GPC5: variants seen among roughly 807,000 people sequenced by gnomAD.
GPC5 encodes the protein glypican 5, also known as glypican-5.
Under a neutral mutation model 53.9 loss-of-function variants are expected in GPC5, and 47 were observed. That is an observed-to-expected ratio of 0.87 (90% CI 0.69 to 1.11). The LOEUF is 1.11. Ranked by LOEUF, GPC5 falls within the 50% of genes most tolerant of loss-of-function variation. The pLI is 0.00. For missense variants in GPC5, 748 were observed against 713.1 expected, an observed-to-expected ratio of 1.05 and a Z score of -0.56; for synonymous variants, 286 against 263.3, an observed-to-expected ratio of 1.09 and a Z score of -0.84.
chr13:92,369,100 A>T (rs904297142), intron 7 of GPC5, among the ~76,000 whole-genome samples: 2 of 152,256 alleles, frequency 1.3e-5, no homozygotes, highest in Non-Finnish European at 2.9e-5. Context: ...AAAGATTTCA[A>T]TTAGTAAAAA....
intron 6 of GPC5, among the ~76,000 whole-genome samples, chr13:92,133,669 A>T (rs918491379): frequency 2.0e-5 from 3 of 152,092 alleles, no homozygotes; most frequent in African/African-American, 7.2e-5. Flanking sequence ...TCTTTCAATG[A>T]CATCAGTCTC....
At chr13:92,152,227 C>T (rs185088354) in intron 7 of GPC5, among the ~76,000 whole-genome samples, 52 of 152,254 alleles carry the variant, frequency 3.4e-4, no homozygotes, top group Middle Eastern at 3.4e-3. Context: ...TTTGTGCATT[C>T]ATTTTTACCA....
chr13:92,608,701 G>T (rs181923334), intron 7 of GPC5, among the ~76,000 whole-genome samples: 1 of 152,262 alleles, frequency 6.6e-6, no homozygotes, highest in Non-Finnish European at 1.5e-5. Context: ...TGCATGTGCG[G>T]AATCTGAGCT....
chr13:92,189,353 G>T (rs1179149605), intron 7 of GPC5, among the ~76,000 whole-genome samples: 1 of 152,092 alleles, frequency 6.6e-6, no homozygotes, highest in African/African-American at 2.4e-5. Flanking sequence ...AGTCTCCCAA[G>T]TGGGGCAAGG....
At chr13:91,436,553 A>G (rs971320472) in intron 1 of GPC5, among the ~76,000 whole-genome samples, 3 of 152,160 alleles carry the variant, frequency 2.0e-5, no homozygotes, top group African/African-American at 7.2e-5. Flanking sequence ...TCTGAGAGAC[A>G]GTTTGTTATA....
chr13:91,878,056 G>C (rs1474850380), intron 5 of GPC5, among the ~76,000 whole-genome samples: 2 of 152,238 alleles, frequency 1.3e-5, no homozygotes, highest in Admixed American at 6.5e-5. Context: ...GGCCTCCCTA[G>C]CTATGTGGAA....
At chr13:91,486,003 C>G (rs1288482717) in intron 2 of GPC5, 1 of 152,208 alleles carries the variant, frequency 6.6e-6, no homozygotes, top group South Asian at 2.1e-4. Context: ...GAAAAAGAGG[C>G]TTTTAAAAAA....
Position 91,930,551 on chromosome 13 carries a change from C to A in GPC5, c.1401+22494C>A, listed in dbSNP as rs945079141. ...TGTTTTCTTTTCTATTAGGTGGAAC[C>A]ATATGAAATTGTCAGTATTCAGCCT... On this transcript the variant is annotated intron_variant, in intron 6 of 7. Coordinates refer to ENST00000377067, the MANE Select transcript of GPC5 (RefSeq NM_004466.6). Among the ~76,000 whole-genome samples, 8 of 151,972 alleles carry A rather than the reference C, an allele frequency of 5.3e-5. No homozygotes were observed. The East Asian group carries it at 1.5e-3, about 29-fold the overall frequency.
intron 2 of GPC5, among the ~76,000 whole-genome samples, chr13:91,470,640 G>A (rs934458280): frequency 6.6e-6 from 1 of 152,106 alleles, no homozygotes; most frequent in African/African-American, 2.4e-5. Context: ...GCTTATGTGT[G>A]TTTTTCCCTT....
intron 5 of GPC5, among the ~76,000 whole-genome samples, chr13:91,870,080 G>T (rs2039127442): frequency 6.6e-6 from 1 of 152,160 alleles, no homozygotes; most frequent in South Asian, 2.1e-4. Context: ...CTTTCTTGGA[G>T]ACCCTTAATT....
chr13:92,770,668 G>A (rs1472397631), intron 7 of GPC5, among the ~76,000 whole-genome samples: 1 of 152,100 alleles, frequency 6.6e-6, no homozygotes, highest in Non-Finnish European at 1.5e-5. Context: ...TTGTCATCTT[G>A]TTGTTGGCAT....
At chr13:92,360,874 C>T (rs529301735) in intron 7 of GPC5, among the ~76,000 whole-genome samples, 2 of 151,762 alleles carry the variant, frequency 1.3e-5, no homozygotes, top group Non-Finnish European at 2.9e-5. Flanking sequence ...CACTGTATTG[C>T]AGAGAGCAAA....
Position 92,375,047 on chromosome 13 carries a change from G to A in GPC5, c.1561+230058G>A, listed in dbSNP as rs556987374. 1.5e-4 allele frequency among the ~76,000 whole-genome samples: 23 copies of A among 152,208 alleles called. No individual in the cohort carries two copies. The East Asian group carries it at 4.5e-3, about 30-fold the overall frequency. ...TTGCAGTATTTTGACATGTCTGCCT[G>A]TAGCAGGCCAATGCCTATTACCAGC... On this transcript the variant is annotated intron_variant, in intron 7 of 7. Transcript: ENST00000377067.
intron 7 of GPC5, among the ~76,000 whole-genome samples, chr13:92,607,670 T>G (rs763888288): frequency 6.6e-6 from 1 of 151,808 alleles, no homozygotes; most frequent in Non-Finnish European, 1.5e-5. Flanking sequence ...TAAAATTATA[T>G]ATATTTTGTA....
rs577621932 is a variant in GPC5, at chr13:91,835,631, A to G, written c.1281-72306A>G. ...CCATCATTCTCAGCAAACTAACACA[A>G]GAACAGAAAACCAAACACCCCGTGT... On this transcript the variant is annotated intron_variant, in intron 5 of 7. Transcript: ENST00000377067. Among the ~76,000 whole-genome samples the G allele has an allele frequency of 2.0e-5, 3 of 152,174 alleles. No homozygotes were observed. The East Asian group carries it at 5.8e-4, about 30-fold the overall frequency.
chr13:91,399,214 G>C lies in GPC5; in HGVS notation c.163+5G>C. 6.2e-7 allele frequency: 1 copy of C among 1,610,682 alleles called. No individual in the cohort carries two copies. The highest frequency in any genetic ancestry group is 8.5e-7 in the Non-Finnish European group (1 of 1,179,162). On this transcript the variant is annotated splice_donor_5th_base_variant and intron_variant, in intron 1 of 7. Transcript: ENST00000377067. ...TGCCGGATTCGCCGCGGGCAGGTAA[G>C]GGGCAATGAGGGGGTCTCTGGACTG...
At chr13:92,136,460 AT>A (rs891572439) in intron 6 of GPC5, among the ~76,000 whole-genome samples, 2 of 152,076 alleles carry the variant, frequency 1.3e-5, no homozygotes, top group African/African-American at 4.8e-5. Flanking sequence ...TCTGGTTTGA[AT>A]TTTTTCTGGC....
chr13:92,526,445 G>T (rs931347640), intron 7 of GPC5, among the ~76,000 whole-genome samples: 1 of 152,052 alleles, frequency 6.6e-6, no homozygotes, highest in Admixed American at 6.6e-5. Flanking sequence ...GTCCAGTGTG[G>T]GTGAAAGATG....
chr13:92,534,410 T>G, intron 7 of GPC5, among the ~76,000 whole-genome samples: 1 of 152,182 alleles, frequency 6.6e-6, no homozygotes, highest in African/African-American at 2.4e-5. Flanking sequence ...ACAAAACAGT[T>G]GGGCAAAGGA....
Sources: allele counts gnomAD v4.1 joint callset (sites outside exome capture counted in the v4.1 genomes callset), GRCh38; gene constraint gnomAD v4.1.1; transcripts MANE v1.5; gene names NCBI Gene and HGNC (gene_info 2026-07-23, HGNC 2026-07-21).